The following CHRM2 variants were observed in gnomAD, a reference collection of about 807,000 sequenced individuals.
CHRM2 encodes cholinergic receptor muscarinic 2.
CHRM2 carries 8 observed loss-of-function variants against 25.0 expected under a neutral mutation model. The observed-to-expected ratio is 0.32, with a 90% CI of 0.19 to 0.58. The LOEUF (loss-of-function observed/expected upper bound fraction) is 0.58. CHRM2 is among the 20% of genes least tolerant of loss of function. The probability of loss-of-function intolerance (pLI) is 0.88; values close to 1 mark genes in which losing one functional copy is unlikely to be tolerated. For missense variants in CHRM2, 440 were observed against 567.1 expected, an observed-to-expected ratio of 0.78 and a Z score of 2.28; for synonymous variants, 202 against 205.7, an observed-to-expected ratio of 0.98 and a Z score of 0.15.
intron 2 of CHRM2, among the ~76,000 whole-genome samples, chr7:136,942,950 G>T (rs1020052539): frequency 1.3e-5 from 2 of 151,840 alleles, no homozygotes; most frequent in East Asian, 3.9e-4. Flanking sequence ...TAGGAATTGC[G>T]TATGGACTCA....
At chr7:136,981,615 C>G (rs1452071748) in intron 2 of CHRM2, among the ~76,000 whole-genome samples, 1 of 152,138 alleles carries the variant, frequency 6.6e-6, no homozygotes, top group Non-Finnish European at 1.5e-5. Context: ...CTAAACACTG[C>G]TTTGGTGTGT....
chr7:136,948,001 G>C (rs1477090033), intron 2 of CHRM2, among the ~76,000 whole-genome samples: 1 of 152,140 alleles, frequency 6.6e-6, no homozygotes, highest in Non-Finnish European at 1.5e-5. Context: ...ATGACTTCTG[G>C]TGGGGCTGGG....
At chr7:136,940,145 A>G (rs1421341457) in intron 2 of CHRM2, among the ~76,000 whole-genome samples, 3 of 152,262 alleles carry the variant, frequency 2.0e-5, no homozygotes, top group Non-Finnish European at 4.4e-5. Context: ...TAACAAGTAC[A>G]TTACCTGCTA....
At chr7:136,874,569 C>A (rs772706340) in intron 2 of CHRM2, among the ~76,000 whole-genome samples, 1 of 101,228 alleles carries the variant, frequency 9.9e-6, no homozygotes, top group African/African-American at 3.9e-5. Context: ...CTCTCTCTGC[C>A]CCCCCTCTCT....
chr7:136,930,400 G>A (rs564149525), intron 2 of CHRM2, among the ~76,000 whole-genome samples: 3 of 152,166 alleles, frequency 2.0e-5, no homozygotes, highest in South Asian at 2.1e-4. Context: ...GGATCTAGGA[G>A]GAAATGCAGA....
chr7:136,927,265 C>T (rs146533185), intron 2 of CHRM2, among the ~76,000 whole-genome samples: 11 of 152,230 alleles, frequency 7.2e-5, no homozygotes, highest in African/African-American at 2.6e-4. Context: ...CACCAGAAGG[C>T]TCTTGGGCCC....
At chr7:136,880,500 T>C (rs1224784971) in intron 2 of CHRM2, among the ~76,000 whole-genome samples, 1 of 151,992 alleles carries the variant, frequency 6.6e-6, no homozygotes, top group African/African-American at 2.4e-5. Context: ...CTGAGTGTTC[T>C]TACTTTACTT....
intron 3 of CHRM2, among the ~76,000 whole-genome samples, chr7:137,004,477 CA>C (rs1443152330): frequency 6.6e-6 from 1 of 151,988 alleles, no homozygotes; most frequent in Admixed American, 6.6e-5. Context: ...AAAGAGGAGT[CA>C]GGGTATTTAA....
chr7:137,007,089 G>C (rs745700788), intron 3 of CHRM2, among the ~76,000 whole-genome samples: 1 of 152,082 alleles, frequency 6.6e-6, no homozygotes, highest in Non-Finnish European at 1.5e-5. Context: ...AGTGGTATGC[G>C]AAAGGAGAAA....
chr7:136,989,819 G>C (rs754755934), intron 2 of CHRM2, among the ~76,000 whole-genome samples: 1 of 152,002 alleles, frequency 6.6e-6, no homozygotes, highest in Non-Finnish European at 1.5e-5. Flanking sequence ...TTTATTCATA[G>C]TACTTCCTTT....
chr7:136,920,060 T>G (rs907407252), intron 2 of CHRM2, among the ~76,000 whole-genome samples: 3 of 152,024 alleles, frequency 2.0e-5, no homozygotes, highest in Non-Finnish European at 2.9e-5. Flanking sequence ...AGAAATATGG[T>G]GACATTTCAA....
At chr7:136,990,770 T>C (rs1803171441) in intron 2 of CHRM2, among the ~76,000 whole-genome samples, 1 of 151,974 alleles carries the variant, frequency 6.6e-6, no homozygotes, top group Admixed American at 6.6e-5. Context: ...ATGGTAAGAG[T>C]ATGTTGAGTT....
intron 2 of CHRM2, among the ~76,000 whole-genome samples, chr7:136,887,690 T>C (rs1796520576): frequency 6.6e-6 from 1 of 152,162 alleles, no homozygotes; most frequent in Non-Finnish European, 1.5e-5. Context: ...TCAGAAGAAT[T>C]ATTCCATCTC....
At chr7:136,910,830 T>TGTGTGA (rs377403672) in intron 2 of CHRM2, among the ~76,000 whole-genome samples, 4,087 of 149,578 alleles carry the variant, frequency 0.027, 88 homozygotes, top group Non-Finnish European at 0.035. Flanking sequence ...TGTGTGTGTG[T>TGTGTGA]GAGAGAGAGA....
intron 2 of CHRM2, among the ~76,000 whole-genome samples, chr7:136,990,361 C>T (rs962155419): frequency 6.6e-6 from 1 of 152,086 alleles, no homozygotes; most frequent in African/African-American, 2.4e-5. Context: ...GTCCTCAATG[C>T]TCCACCTATT....
intron 2 of CHRM2, among the ~76,000 whole-genome samples, chr7:136,944,155 T>C (rs1038164850): frequency 8.5e-5 from 13 of 152,114 alleles, no homozygotes; most frequent in African/African-American, 2.4e-4. Context: ...ATAATTTCTT[T>C]AGTGGTGATT....
At chr7:136,960,035 T>C (rs1424911908) in intron 2 of CHRM2, among the ~76,000 whole-genome samples, 2 of 152,038 alleles carry the variant, frequency 1.3e-5, no homozygotes, top group African/African-American at 4.8e-5. Flanking sequence ...GGGCTCTGGG[T>C]GAGGGAGAAC....
rs1399435346 is a variant in CHRM2 at position 137,016,328 on chromosome 7, C to G, written c.*62C>G. The G allele has an allele frequency of 8.0e-6, 12 of 1,497,502 alleles. No homozygotes were observed. The Admixed American group carries it at 1.4e-4, about 17-fold the overall frequency. 92.8% of individuals were successfully genotyped at this position (1,497,502 alleles called of 1,614,324 possible). On this transcript the variant is annotated 3_prime_UTR_variant, in exon 4 of 4. Coordinates refer to ENST00000680005, the MANE Select transcript of CHRM2 (RefSeq NM_001006630.2). ...GCTTGAGAAGAATAAAAGGGATAAA[C>G]GAGCTCCTAGTTTTAAAATCTCTGC...
At chr7:136,958,863 A>G (rs1194816037) in intron 2 of CHRM2, among the ~76,000 whole-genome samples, 1 of 152,238 alleles carries the variant, frequency 6.6e-6, no homozygotes, top group South Asian at 2.1e-4. Context: ...TAAATGGATC[A>G]CCAGCTCTGT....
Sources: gnomAD v4.1 joint callset for allele counts (sites outside exome capture counted in the v4.1 genomes callset) on GRCh38, gnomAD v4.1.1 for gene constraint, MANE v1.5 for transcripts, NCBI Gene and HGNC (gene_info 2026-07-23, HGNC 2026-07-21) for gene names.